Variants in SLC35E3 observed in about 807,000 individuals in gnomAD.
SLC35E3 encodes the protein solute carrier family 35 member E3, also known as bladder cancer-overexpressed gene 1 protein.
In SLC35E3, 28 loss-of-function variants were observed where a neutral mutation model predicts 30.8. The ratio of observed to expected loss-of-function variants is 0.91; its 90% CI spans 0.67 to 1.25. The LOEUF (loss-of-function observed/expected upper bound fraction) is 1.25, where lower values mean the gene tolerates loss of function less well. Ranked by LOEUF, SLC35E3 falls within the 50% of genes most tolerant of loss-of-function variation. The probability of loss-of-function intolerance (pLI) is 0.00; values close to 1 mark genes in which losing one functional copy is unlikely to be tolerated. For synonymous variants in SLC35E3, 146 were observed against 149.2 expected, an observed-to-expected ratio of 0.98 and a Z score of 0.16; for missense variants, 365 against 375.4, an observed-to-expected ratio of 0.97 and a Z score of 0.23.
At position 68,746,566 on chromosome 12, in the gene SLC35E3, G is replaced by A. The variant is rs758888905; in HGVS notation, c.189G>A (p.Lys63=). 18 of 1,614,240 alleles carry A rather than the reference G, an allele frequency of 1.1e-5. No homozygotes were observed. The South Asian group carries it at 1.9e-4, about 17-fold the overall frequency. ...GGCTGGGCTTGTATATCTGCCAGAAGCTGGACATCTTTGCCCCCAAAAGTC... is the reference window on the plus strand; with the variant it reads ...GGCTGGGCTTGTATATCTGCCAGAAACTGGACATCTTTGCCCCCAAAAGTC... ...VTWLGLYICQ[K]LDIFAPKSLP... Residue 63 remains lysine (K), a synonymous_variant, in exon 1 of 5, where the codon AAG becomes AAA. Transcript: ENST00000398004.
At position 68,746,341 on chromosome 12, in the gene SLC35E3, C is replaced by T; in HGVS notation, c.-37C>T. 6.5e-7 allele frequency: 1 copy of T among 1,527,500 alleles called. No individual in the cohort carries two copies. Among genetic ancestry groups the T allele is most frequent in the African/African-American group, 1.4e-5 (1 of 72,264 alleles). 94.6% of individuals were successfully genotyped at this position (1,527,500 alleles called of 1,614,324 possible). ...GGCAGCCGGAGACAGGCCCGGCGCC[C>T]CTTCCGAGGCTAGACGGCCCCAGCT... On this transcript the variant is annotated 5_prime_UTR_variant, in exon 1 of 5. Transcript: ENST00000398004.
chr12:68,778,948 T>TA lies in SLC35E3; in HGVS notation c.*14059dup, dbSNP rs1369753845. Reference sequence around the variant, plus strand: ...GGCGAAACTCCATCTCTACTAAAAATACAAAAGTTAGTTGGGCGTGGTGGT... The same window carrying TA: ...GGCGAAACTCCATCTCTACTAAAAATAACAAAAGTTAGTTGGGCGTGGTGGT... On this transcript the variant is annotated 3_prime_UTR_variant, in exon 5 of 5. Transcript: ENST00000398004. 2 of 151,690 alleles carry TA rather than the reference T, an allele frequency of 1.3e-5. No homozygotes were observed. The highest frequency in any genetic ancestry group is 2.9e-5 in the Non-Finnish European group (2 of 67,964). 9.4% of individuals were successfully genotyped at this position (151,690 alleles called of 1,614,324 possible). A position where few individuals can be genotyped will look rare whatever the true frequency, so the allele number is the denominator to read the frequency against.
In SLC35E3 at chr12:68,766,699, C is replaced by T. The variant is rs1255225115; in HGVS notation, c.*1809C>T. 2.3e-6 allele frequency: 1 copy of T among 435,016 alleles called. No homozygotes were observed. Among genetic ancestry groups the T allele is most frequent in the Non-Finnish European group, 4.6e-6 (1 of 217,996 alleles). 26.9% of individuals were successfully genotyped at this position (435,016 alleles called of 1,614,324 possible). Reference sequence around the variant, plus strand: ...TCCTGGGCTCAAGCAATCCTCCTGCCTCAACCTCCCCAGTAGCTGGGACTA... The same window carrying T: ...TCCTGGGCTCAAGCAATCCTCCTGCTTCAACCTCCCCAGTAGCTGGGACTA... On this transcript the variant is annotated 3_prime_UTR_variant, in exon 5 of 5. Coordinates refer to ENST00000398004, the MANE Select transcript of SLC35E3 (RefSeq NM_018656.5).
rs764893636 is a variant in SLC35E3 at position 68,747,953 on chromosome 12, C to A, written c.426C>A (p.Ile142=). The A allele has an allele frequency of 5.0e-6, 8 of 1,600,698 alleles. No homozygotes were observed. Among genetic ancestry groups the A allele is most frequent in the Non-Finnish European group, 6.0e-6 (7 of 1,168,582 alleles). ...AGATTCCTATAACTTTAGGTGTAAT[C>A]CTAAATTCTTATTACGATGTGAAGT... ...LTLIPITLGV[I]LNSYYDVKFN... The change falls in exon 2 of 5, where the codon ATC becomes ATA. Residue 142 remains isoleucine (I), a synonymous_variant. Transcript: ENST00000398004.
chr12:68,750,804 G>C (rs1027038597), intron 2 of SLC35E3, among the ~76,000 whole-genome samples: 1 of 152,152 alleles, frequency 6.6e-6, no homozygotes, highest in African/African-American at 2.4e-5. Flanking sequence ...CTTAGTTAAA[G>C]CTGGCAGGAG....
At chr12:68,746,856 A>G (rs1357538762) in intron 1 of SLC35E3, 77 bp downstream of exon 1, 1 of 1,409,588 alleles carries the variant, frequency 7.1e-7, no homozygotes. Flanking sequence ...TCGAACGCAC[A>G]CTGGTCTTTC....
chr12:68,769,926 TAAAC>T lies in SLC35E3; in HGVS notation c.*5040_*5043del, dbSNP rs1879557809. 6.6e-6 allele frequency: 1 copy of T among 152,148 alleles called. No homozygotes were observed. The highest frequency in any genetic ancestry group is 2.4e-5 in the African/African-American group (1 of 41,440). 9.4% of individuals were successfully genotyped at this position (152,148 alleles called of 1,614,324 possible). A position where few individuals can be genotyped will look rare whatever the true frequency, so the allele number is the denominator to read the frequency against. On this transcript the variant is annotated 3_prime_UTR_variant, in exon 5 of 5. Transcript: ENST00000398004. ...GTCTAGTATTAGAGATAGGACTAAT[TAAAC>T]AAAAACAAGACAAGAATAATTAAAC...
At chr12:68,746,912 C>T in intron 1 of SLC35E3, 133 bp downstream of exon 1, 1 of 1,012,632 alleles carries the variant, frequency 9.9e-7, no homozygotes, top group Non-Finnish European at 1.4e-6. Flanking sequence ...GGCATGTGAA[C>T]TTTTAGGCTT....
In SLC35E3 at chr12:68,778,768, C is replaced by T. The variant is rs1224558612; in HGVS notation, c.*13878C>T. The T allele has an allele frequency of 6.9e-6, 1 of 144,354 alleles. No individual in the cohort carries two copies. Among genetic ancestry groups the T allele is most frequent in the Admixed American group, 7.1e-5 (1 of 14,140 alleles). The allele number at this position is 144,354 out of a possible 1,614,324, so 8.9% of individuals were successfully genotyped here. A position where few individuals can be genotyped will look rare whatever the true frequency, so the allele number is the denominator to read the frequency against. ...TCGCACCACTTCACTCCAGCCTGGA[C>T]AAAAGAGCAAAACTCCATCTCCAAA... is the stretch of plus-strand genomic sequence containing the variant. On this transcript the variant is annotated 3_prime_UTR_variant, in exon 5 of 5. Coordinates refer to ENST00000398004, the MANE Select transcript of SLC35E3 (RefSeq NM_018656.5).
At position 68,777,338 on chromosome 12, in the gene SLC35E3, A is replaced by C. The variant is rs1341449178; in HGVS notation, c.*12448A>C. ...GCTATTCTTCTGAAATCATAACATCATGAGGACATCCACTGCTTGTACTCA... is the reference window on the plus strand; with the variant it reads ...GCTATTCTTCTGAAATCATAACATCCTGAGGACATCCACTGCTTGTACTCA... On this transcript the variant is annotated 3_prime_UTR_variant, in exon 5 of 5. Coordinates refer to ENST00000398004, the MANE Select transcript of SLC35E3 (RefSeq NM_018656.5). The C allele has an allele frequency of 6.6e-6, 1 of 152,126 alleles. No homozygotes were observed. Among genetic ancestry groups the C allele is most frequent in the African/African-American group, 2.4e-5 (1 of 41,424 alleles). The allele number at this position is 152,126 out of a possible 1,614,324, so 9.4% of individuals were successfully genotyped here.
chr12:68,759,018 C>A, intron 3 of SLC35E3, 139 bp from the exon 4 acceptor site: 3 of 658,094 alleles, frequency 4.6e-6, no homozygotes, highest in Non-Finnish European at 5.1e-6. Context: ...CGTGAGCCAC[C>A]GCGCCCGGCC....
At chr12:68,747,427 G>A (rs931799800) in intron 1 of SLC35E3, among the ~76,000 whole-genome samples, 3 of 151,968 alleles carry the variant, frequency 2.0e-5, no homozygotes, top group Non-Finnish European at 4.4e-5. Context: ...GCGCCACCAC[G>A]CCCGGCTAAT....
Position 68,773,278 on chromosome 12 carries a change from G to T in SLC35E3, c.*8388G>T, listed in dbSNP as rs1879654912. The T allele has an allele frequency of 6.6e-6, 1 of 152,138 alleles. No individual in the cohort carries two copies. Among genetic ancestry groups the T allele is most frequent in the South Asian group, 2.1e-4 (1 of 4,832 alleles). 9.4% of individuals were successfully genotyped at this position (152,138 alleles called of 1,614,324 possible). ...TGGGTGGGCCTTAATTCAGGAGGTGGGAGGCTCAAAATCAATTACTCTGTT... is the reference window on the plus strand; with the variant it reads ...TGGGTGGGCCTTAATTCAGGAGGTGTGAGGCTCAAAATCAATTACTCTGTT... On this transcript the variant is annotated 3_prime_UTR_variant, in exon 5 of 5. Coordinates refer to ENST00000398004, the MANE Select transcript of SLC35E3 (RefSeq NM_018656.5).
intron 3 of SLC35E3, among the ~76,000 whole-genome samples, chr12:68,752,630 GGAGGATGAGCTGGGCAGATC>G (rs1201661737): frequency 9.8e-5 from 15 of 152,320 alleles, no homozygotes; most frequent in Non-Finnish European, 1.9e-4. Context: ...CAGCACTTTG[GGAGGATGAGCTGGGCAGATC>G]GTTTGAGCCC....
intron 4 of SLC35E3, chr12:68,759,997 A>C (rs1228589724): frequency 6.6e-6 from 1 of 152,268 alleles, no homozygotes; most frequent in Non-Finnish European, 1.5e-5. Context: ...GTTTGTACTT[A>C]TTTGGATATG....
At chr12:68,754,277 T>TTTTTGTTTTG (rs886111167) in intron 3 of SLC35E3, among the ~76,000 whole-genome samples, 3 of 151,932 alleles carry the variant, frequency 2.0e-5, no homozygotes, top group Non-Finnish European at 4.4e-5. Flanking sequence ...GTTGTTGTTG[T>TTTTTGTTTTG]TTTTGTTTTG....
At chr12:68,759,340 C>A in intron 4 of SLC35E3, 101 bp downstream of exon 4, 1 of 812,662 alleles carries the variant, frequency 1.2e-6, no homozygotes, top group Admixed American at 2.1e-5. Flanking sequence ...ATTGCATGGC[C>A]TAAATTGAGT....
chr12:68,772,642 A>G lies in SLC35E3; in HGVS notation c.*7752A>G, dbSNP rs1858002729. 6.6e-6 allele frequency: 1 copy of G among 152,196 alleles called. No individual in the cohort carries two copies. Among genetic ancestry groups the G allele is most frequent in the Non-Finnish European group, 1.5e-5 (1 of 68,038 alleles). 9.4% of individuals were successfully genotyped at this position (152,196 alleles called of 1,614,324 possible). ...AATTCACATTTTTCCATTTAACTAAAAATGTCTCGTAACTACTATGCCACA... is the reference window on the plus strand; with the variant it reads ...AATTCACATTTTTCCATTTAACTAAGAATGTCTCGTAACTACTATGCCACA... On this transcript the variant is annotated 3_prime_UTR_variant, in exon 5 of 5. Transcript: ENST00000398004.
At chr12:68,754,168 G>A (rs2136070825) in intron 3 of SLC35E3, among the ~76,000 whole-genome samples, 1 of 152,010 alleles carries the variant, frequency 6.6e-6, no homozygotes, top group East Asian at 1.9e-4. Context: ...TGACAAAAGT[G>A]GAATCCTATT....
Sources: gnomAD v4.1 joint callset for allele counts (sites outside exome capture counted in the v4.1 genomes callset) on GRCh38, gnomAD v4.1.1 for gene constraint, MANE v1.5 for transcripts, NCBI Gene and HGNC (gene_info 2026-07-23, HGNC 2026-07-21) for gene names.